ALMS1: variants seen among roughly 807,000 people sequenced by gnomAD.
ALMS1 encodes ALMS1 centrosome and basal body associated protein.
In ALMS1, 271 loss-of-function variants were observed where a neutral mutation model predicts 352.2. The ratio of observed to expected loss-of-function variants is 0.77; its 90% CI spans 0.70 to 0.85. The LOEUF (loss-of-function observed/expected upper bound fraction) is 0.85. ALMS1 is among the 40% of genes least tolerant of loss of function. ALMS1 has a pLI of 0.00. For synonymous variants in ALMS1, 1,865 were observed against 1,761.2 expected, an observed-to-expected ratio of 1.06 and a Z score of -1.48; for missense variants, 5,445 against 4,870.7, an observed-to-expected ratio of 1.12 and a Z score of -3.51.
In ALMS1 at chr2:73,538,572, G is replaced by A. The variant is rs77899242; in HGVS notation, c.9907+3623G>A. 4.6e-5 allele frequency among the ~76,000 whole-genome samples: 7 copies of A among 152,288 alleles called. No homozygotes were observed. The South Asian group carries it at 8.3e-4, about 18-fold the overall frequency. On this transcript the variant is annotated intron_variant, in intron 12 of 22. Transcript: ENST00000613296. The stretch of plus-strand genomic sequence containing the variant: ...GGGTGCAGCACACCGAGCGTGAGCC[G>A]AAGCAGGGCAAGGCATCGCCTCACC...
At chr2:73,393,555 C>G (rs143318738) in intron 1 of ALMS1, among the ~76,000 whole-genome samples, 1 of 152,308 alleles carries the variant, frequency 6.6e-6, no homozygotes, top group East Asian at 1.9e-4. Flanking sequence ...ATCCACCCCA[C>G]TCTCACACTC....
chr2:73,562,787 T>C (rs1674693065), intron 15 of ALMS1, among the ~76,000 whole-genome samples: 1 of 151,990 alleles, frequency 6.6e-6, no homozygotes, highest in Non-Finnish European at 1.5e-5. Context: ...CTCAGAAGGC[T>C]GAGGCAGGAG....
intron 10 of ALMS1, among the ~76,000 whole-genome samples, chr2:73,501,777 T>G (rs2103920793): frequency 6.6e-6 from 1 of 152,236 alleles, no homozygotes; most frequent in East Asian, 1.9e-4. Context: ...TTCAAGTCCT[T>G]TGCATTTTCA....
chr2:73,472,971 T>C (rs1476930704), intron 9 of ALMS1, among the ~76,000 whole-genome samples: 3 of 151,928 alleles, frequency 2.0e-5, no homozygotes, highest in South Asian at 2.1e-4. Flanking sequence ...GGACAATGAA[T>C]AGGTAGACAA....
Position 73,529,049 on chromosome 2 carries a change from T to G in ALMS1, c.9782-5775T>G, listed in dbSNP as rs566671251. The stretch of plus-strand genomic sequence containing the variant: ...AGTTTCCTCAAAGCAGTTTTTTTTT[T>G]TTTTTTTTTTTTGAGATGGACTCTT... On this transcript the variant is annotated intron_variant, in intron 11 of 22. Coordinates refer to ENST00000613296, the MANE Select transcript of ALMS1 (RefSeq NM_001378454.1). 5.5e-5 allele frequency among the ~76,000 whole-genome samples: 8 copies of G among 145,900 alleles called. No individual in the cohort carries two copies. In the South Asian group the frequency reaches 1.4e-3, roughly 25 times the overall value.
At chr2:73,493,996 C>G (rs772878031) in intron 10 of ALMS1, among the ~76,000 whole-genome samples, 2 of 152,152 alleles carry the variant, frequency 1.3e-5, no homozygotes, top group Non-Finnish European at 2.9e-5. Flanking sequence ...AAGGTATTGG[C>G]TGCAAATGTG....
chr2:73,458,968 T>C (rs983254259), intron 9 of ALMS1: 4 of 152,200 alleles, frequency 2.6e-5, no homozygotes, highest in Admixed American at 2.6e-4. Flanking sequence ...CAATGAAGAG[T>C]TGTCCCTTGT....
At chr2:73,519,390 C>G (rs1673625821) in intron 10 of ALMS1, among the ~76,000 whole-genome samples, 1 of 152,176 alleles carries the variant, frequency 6.6e-6, no homozygotes, top group Non-Finnish European at 1.5e-5. Flanking sequence ...TCCCAGAACT[C>G]CTTGACAGAA....
intron 1 of ALMS1, among the ~76,000 whole-genome samples, chr2:73,396,584 A>G (rs1187448377): frequency 1.0e-5 from 1 of 98,186 alleles, no homozygotes; most frequent in African/African-American, 4.6e-5. Context: ...AGGATGGGGC[A>G]TAGTATTTTA....
rs112103672 is a variant in ALMS1 at position 73,526,779 on chromosome 2, T to C, written c.9781+6763T>C. ...CCTTTCTATCTTTCTCTTGTCTGAT[T>C]GCTCGAGCTAGGACTTCCAGTGCTA... is the stretch of plus-strand genomic sequence containing the variant. On this transcript the variant is annotated intron_variant, in intron 11 of 22. Transcript: ENST00000613296. 4.4e-3 allele frequency among the ~76,000 whole-genome samples: 669 copies of C among 152,286 alleles called. 7 individuals are homozygous for C. The highest frequency in any genetic ancestry group is 0.014 in the African/African-American group (566 of 41,544).
chr2:73,594,949 G>C (rs1675514353), intron 16 of ALMS1, among the ~76,000 whole-genome samples: 1 of 152,178 alleles, frequency 6.6e-6, no homozygotes, highest in South Asian at 2.1e-4. Flanking sequence ...GGTAGTGAGA[G>C]CGTATTGACC....
chr2:73,487,216 A>G (rs183805214), intron 9 of ALMS1, among the ~76,000 whole-genome samples: 5 of 152,200 alleles, frequency 3.3e-5, no homozygotes, highest in Admixed American at 2.0e-4. Flanking sequence ...TCGCACTACT[A>G]TGCTATGTCT....
At chr2:73,599,692 G>A (rs1217010128) in intron 17 of ALMS1, among the ~76,000 whole-genome samples, 171 bp downstream of exon 17, 1 of 152,196 alleles carries the variant, frequency 6.6e-6, no homozygotes, top group African/African-American at 2.4e-5. Context: ...AAGTTTGTGG[G>A]CAAGAGTGTA....
chr2:73,398,746 C>G (rs1205303746), intron 1 of ALMS1, among the ~76,000 whole-genome samples: 1 of 152,076 alleles, frequency 6.6e-6, no homozygotes, highest in African/African-American at 2.4e-5. Context: ...CACTTGATTG[C>G]TGGTATACAG....
intron 10 of ALMS1, among the ~76,000 whole-genome samples, chr2:73,499,173 T>C (rs1673169796): frequency 6.6e-6 from 1 of 152,140 alleles, no homozygotes; most frequent in South Asian, 2.1e-4. Flanking sequence ...TTGTAGTTTT[T>C]AGTTTTAGTG....
At chr2:73,512,291 G>T (rs568093283) in intron 10 of ALMS1, among the ~76,000 whole-genome samples, 38 of 152,126 alleles carry the variant, frequency 2.5e-4, no homozygotes, top group African/African-American at 9.2e-4. Context: ...CACCATATTG[G>T]TGAGGCTGGT....
At chr2:73,609,274 C>T (rs1334416894) in intron 22 of ALMS1, among the ~76,000 whole-genome samples, 2 of 152,242 alleles carry the variant, frequency 1.3e-5, no homozygotes, top group African/African-American at 2.4e-5. Context: ...CACCACCTGT[C>T]TGGTGTGTCA....
chr2:73,546,674 A>G (rs572185206), intron 12 of ALMS1, among the ~76,000 whole-genome samples: 5 of 152,278 alleles, frequency 3.3e-5, no homozygotes, highest in African/African-American at 1.2e-4. Context: ...TTTGAGCTGA[A>G]CTCTAGAGGA....
At chr2:73,522,467 C>CTTTTTT (rs137919148) in intron 11 of ALMS1, among the ~76,000 whole-genome samples, 7 of 106,732 alleles carry the variant, frequency 6.6e-5, no homozygotes, top group Admixed American at 1.0e-4. Flanking sequence ...GGTTGAGGTC[C>CTTTTTT]TTTTTTTTTT....
Sources: allele counts gnomAD v4.1 joint callset (sites outside exome capture counted in the v4.1 genomes callset), GRCh38; gene constraint gnomAD v4.1.1; transcripts MANE v1.5; gene names NCBI Gene and HGNC (gene_info 2026-07-23, HGNC 2026-07-21).